RPL3L: variants seen among roughly 807,000 people sequenced by gnomAD.
RPL3L encodes the protein ribosomal protein uL3-like.
RPL3L carries 44 observed loss-of-function variants against 44.5 expected under a neutral mutation model. The ratio of observed to expected loss-of-function variants is 0.99; its 90% CI spans 0.78 to 1.27. The LOEUF (loss-of-function observed/expected upper bound fraction) is 1.27, where lower values mean the gene tolerates loss of function less well. Among genes scored for constraint, RPL3L ranks in the 50% most tolerant of loss-of-function variants. RPL3L has a pLI of 0.00. For synonymous variants in RPL3L, 292 were observed against 230.7 expected (o/e 1.27, Z -2.41); for missense variants, 631 against 569.1 (o/e 1.11, Z -1.11).
rs551538698 is a variant in RPL3L, at chr16:1,944,829, C to T, written c.*8G>A. On this transcript the variant is annotated 3_prime_UTR_variant, in exon 10 of 10. Coordinates refer to ENST00000268661, the MANE Select transcript of RPL3L (RefSeq NM_005061.3). ...GGTGCGCTTCAGGGTTCATCCACCC[C>T]ACACAGCCTACAAGTCTCCCGAGGT... 8.7e-6 allele frequency: 14 copies of T among 1,614,070 alleles called. No individual in the cohort carries two copies. In the Admixed American group the frequency reaches 1.0e-4, roughly 12 times the overall value.
intron 4 of RPL3L, among the ~76,000 whole-genome samples, chr16:1,948,834 G>A (rs2083145780): frequency 6.6e-6 from 1 of 152,008 alleles, no homozygotes; most frequent in Non-Finnish European, 1.5e-5. Flanking sequence ...TCCTACCTCA[G>A]CCTCCCGAGT....
chr16:1,953,120 TA>T, intron 2 of RPL3L, 78 bp from the exon 3 acceptor site: 1 of 1,471,836 alleles, frequency 6.8e-7, no homozygotes, highest in Non-Finnish European at 9.1e-7. Flanking sequence ...GCCGCCCACA[TA>T]GGGGCAGGAC....
At chr16:1,945,764 AGCAGGCC>A in intron 8 of RPL3L, 64 bp downstream of exon 8, 1 of 1,606,404 alleles carries the variant, frequency 6.2e-7, no homozygotes, top group Non-Finnish European at 8.5e-7. Flanking sequence ...TCCCGCTCGT[AGCAGGCC>A]GCAGGGCAGG....
At position 1,950,079 on chromosome 16, in the gene RPL3L, C is replaced by T. The variant is rs867795877; in HGVS notation, c.501+765G>A. On this transcript the variant is annotated intron_variant, in intron 4 of 9. Transcript: ENST00000268661. ...CAGGTATGTAGGGGGCAGGTATGGA[C>T]GGGGCAGGTATGTAGGGGGCAGGTA... Among the ~76,000 whole-genome samples, 566 of 58,242 alleles carry T rather than the reference C, an allele frequency of 9.7e-3. 8 individuals are homozygous for T. Among genetic ancestry groups the T allele is most frequent in the African/African-American group, 0.035 (542 of 15,508 alleles). The allele number at this position is 58,242 out of a possible 152,430, so 38.2% of individuals were successfully genotyped here. A position where few individuals can be genotyped will look rare whatever the true frequency, so the allele number is the denominator to read the frequency against.
rs765896548 is a variant in RPL3L at position 1,947,201 on chromosome 16, G to A, written c.681C>T (p.Gly227=). The A allele has an allele frequency of 1.2e-5, 19 of 1,612,838 alleles. No individual in the cohort carries two copies. Among genetic ancestry groups the A allele is most frequent in the South Asian group, 7.7e-5 (7 of 91,050 alleles). The change falls in exon 5 of 10, where the codon GGC becomes GGT. Residue 227 remains glycine, a synonymous_variant. Coordinates refer to ENST00000268661, the MANE Select transcript of RPL3L (RefSeq NM_005061.3). ...IDVIAVTKGR[G]VKGVTSRWHT... is the part of the protein sequence containing the mutation. The stretch of plus-strand genomic sequence containing the variant: ...ATCCTCACTGAGCCCTACCTTTGAC[G>A]CCTCGACCCTTGGTGACAGCAATGA...
At chr16:1,945,649 G>A (rs371899283) in intron 8 of RPL3L, 31 bp from the exon 9 acceptor site, 39 of 1,613,106 alleles carry the variant, frequency 2.4e-5, no homozygotes, top group Non-Finnish European at 3.1e-5. Flanking sequence ...TAAACATCAA[G>A]TGTGGGGATC....
chr16:1,945,751 C>T, intron 8 of RPL3L, 84 bp downstream of exon 8: 1 of 1,604,242 alleles, frequency 6.2e-7, no homozygotes, highest in Non-Finnish European at 8.5e-7. Context: ...TCCCACCACT[C>T]CATCCCGCTC....
In RPL3L at chr16:1,954,014, G is replaced by A. The variant is rs1356551978; in HGVS notation, c.138C>T (p.Phe46=). 4 of 1,601,458 alleles carry A rather than the reference G, an allele frequency of 2.5e-6. No individual in the cohort carries two copies. The highest frequency in any genetic ancestry group is 1.3e-5 in the African/African-American group (1 of 74,344). The change falls in exon 2 of 10, where the codon TTC becomes TTT. Residue 46 remains phenylalanine (F), a synonymous_variant. Coordinates refer to ENST00000268661, the MANE Select transcript of RPL3L (RefSeq NM_005061.3). Reference sequence around the variant, plus strand: ...GGGTCATGCCCGCCTTGTAGCCCAGGAAGGCCGTGAGGTGCACGGGCTGGC... The same window carrying A: ...GGGTCATGCCCGCCTTGTAGCCCAGAAAGGCCGTGAGGTGCACGGGCTGGC... The part of the protein sequence containing the change: ...DPSQPVHLTA[F]LGYKAGMTHT...
At chr16:1,947,559 G>A (rs1234783175) in intron 4 of RPL3L, among the ~76,000 whole-genome samples, 179 bp from the exon 5 acceptor site, 3 of 152,246 alleles carry the variant, frequency 2.0e-5, no homozygotes, top group African/African-American at 4.8e-5. Context: ...TGCAGAATGA[G>A]GCAGACAGAG....
intron 2 of RPL3L, among the ~76,000 whole-genome samples, chr16:1,953,411 G>A (rs1195450376): frequency 6.6e-6 from 1 of 152,092 alleles, no homozygotes; most frequent in Non-Finnish European, 1.5e-5. Context: ...GTAGAGATAG[G>A]GTTTCACGAT....
chr16:1,945,638 G>A lies in RPL3L; in HGVS notation c.1048-20C>T, dbSNP rs1272297582. ...GAGGGACTGGGGAATCCATGGTAAA[G>A]TAAACATCAAGTGTGGGGATCCCCC... On this transcript the variant is annotated intron_variant, in intron 8 of 9. Transcript: ENST00000268661. The A allele has an allele frequency of 1.2e-6, 2 of 1,613,618 alleles. No homozygotes were observed. Among genetic ancestry groups the A allele is most frequent in the Non-Finnish European group, 1.7e-6 (2 of 1,179,930 alleles).
rs543966782 is a variant in RPL3L, at chr16:1,951,213, GC to G, written c.366-235del. 1.3e-4 allele frequency among the ~76,000 whole-genome samples: 20 copies of G among 152,292 alleles called. No homozygotes were observed. The East Asian group carries it at 3.9e-3, about 29-fold the overall frequency. The stretch of plus-strand genomic sequence containing the variant: ...GTAGGTACCCTCCCTGTTTCCCGGG[GC>G]CTGAGAGTGAGTGGCAGAGGTGCAG... On this transcript the variant is annotated intron_variant, in intron 3 of 9. Transcript: ENST00000268661.
rs1216930845 is a variant in RPL3L at position 1,944,640 on chromosome 16, G to C, written c.*197C>G. The C allele has an allele frequency of 1.6e-6, 1 of 623,700 alleles. No homozygotes were observed. The highest frequency in any genetic ancestry group is 2.9e-6 in the Non-Finnish European group (1 of 349,030). 38.6% of individuals were successfully genotyped at this position (623,700 alleles called of 1,614,324 possible). On this transcript the variant is annotated 3_prime_UTR_variant, in exon 10 of 10. Transcript: ENST00000268661. ...AAAACTCCGGTCTCCCGCACAGCCA[G>C]CTCTGTGTGAATTACTCTTTCTCTA...
intron 9 of RPL3L, 101 bp from the exon 10 acceptor site, chr16:1,944,994 C>CA: frequency 1.4e-6 from 2 of 1,443,538 alleles, no homozygotes; most frequent in Non-Finnish European, 1.9e-6. Context: ...CCCTACTGCC[C>CA]CCCTAAGGCT....
rs34900670 is a variant in RPL3L, at chr16:1,949,009, C to CTTTTTTTTTTTTTTTT, written c.502-1645_502-1630dup. ...TACAGACGTGAGCCACCGCGCCTGG[C>CTTTTTTTTTTTTTTTT]TTTTTTTTTTTTTTTTTGTAGAGAT... On this transcript the variant is annotated intron_variant, in intron 4 of 9. Transcript: ENST00000268661. Among the ~76,000 whole-genome samples, 62 of 124,626 alleles carry CTTTTTTTTTTTTTTTT rather than the reference C, an allele frequency of 5.0e-4. 1 individual carries two copies. Among genetic ancestry groups the CTTTTTTTTTTTTTTTT allele is most frequent in the African/African-American group, 6.9e-4 (21 of 30,514 alleles). 81.8% of individuals were successfully genotyped at this position (124,626 alleles called of 152,430 possible).
In RPL3L at chr16:1,950,715, T is replaced by G; in HGVS notation, c.501+129A>C. On this transcript the variant is annotated intron_variant, in intron 4 of 9. Coordinates refer to ENST00000268661, the MANE Select transcript of RPL3L (RefSeq NM_005061.3). Reference sequence around the variant, plus strand: ...GGCTGCACGTGGCCAGCGAGGCTGGTCAGCCGCTCCTCTGGGTCTGTGCCG... The same window carrying G: ...GGCTGCACGTGGCCAGCGAGGCTGGGCAGCCGCTCCTCTGGGTCTGTGCCG... 3 of 1,459,086 alleles carry G rather than the reference T, an allele frequency of 2.1e-6. No homozygotes were observed. In the South Asian group the frequency reaches 3.6e-5, roughly 17 times the overall value. 90.4% of individuals were successfully genotyped at this position (1,459,086 alleles called of 1,614,324 possible). A position where few individuals can be genotyped will look rare whatever the true frequency, so the allele number is the denominator to read the frequency against.
chr16:1,947,844 G>A lies in RPL3L; in HGVS notation c.502-464C>T, dbSNP rs191773857. On this transcript the variant is annotated intron_variant, in intron 4 of 9. Coordinates refer to ENST00000268661, the MANE Select transcript of RPL3L (RefSeq NM_005061.3). ...GTGGGACAGAGAGGAGACCAGTGTG[G>A]GCAGACGGTGGGGAGCAAGGGGCGT... is the stretch of plus-strand genomic sequence containing the variant. Among the ~76,000 whole-genome samples, 442 of 152,290 alleles carry A rather than the reference G, an allele frequency of 2.9e-3. 4 individuals are homozygous for A. The highest frequency in any genetic ancestry group is 4.9e-3 in the Non-Finnish European group (335 of 68,030).
rs759662989 is a variant in RPL3L at position 1,952,891 on chromosome 16, G to T, written c.348C>A (p.Arg116=). Residue 116 remains arginine, a synonymous_variant, in exon 3 of 10, where the codon CGC becomes CGA. Coordinates refer to ENST00000268661, the MANE Select transcript of RPL3L (RefSeq NM_005061.3). ...FAEHLSDECR[R]RFYKDWHKSK... ...GTGCTCACCAGTCCTTGTAGAATCG[G>T]CGCCGGCACTCATCACTGAGGTGTT... is the stretch of plus-strand genomic sequence containing the variant. 2 of 1,613,898 alleles carry T rather than the reference G, an allele frequency of 1.2e-6. No individual in the cohort carries two copies. The highest frequency in any genetic ancestry group is 4.5e-5 in the East Asian group (2 of 44,868).
chr16:1,944,593 G>T lies in RPL3L; in HGVS notation c.*244C>A. 2.5e-6 allele frequency: 1 copy of T among 394,252 alleles called. No homozygotes were observed. 24.4% of individuals were successfully genotyped at this position (394,252 alleles called of 1,614,324 possible). A position where few individuals can be genotyped will look rare whatever the true frequency, so the allele number is the denominator to read the frequency against. ...TGCTCCGCAAATGCTCAAAGAGATC[G>T]ATTTGAGTAATAATAAAACATAAAA... On this transcript the variant is annotated 3_prime_UTR_variant, in exon 10 of 10. Coordinates refer to ENST00000268661, the MANE Select transcript of RPL3L (RefSeq NM_005061.3).
Sources: gnomAD v4.1 joint callset for allele counts (sites outside exome capture counted in the v4.1 genomes callset) on GRCh38, gnomAD v4.1.1 for gene constraint, MANE v1.5 for transcripts, NCBI Gene and HGNC (gene_info 2026-07-23, HGNC 2026-07-21) for gene names.